GFRA2: variants seen among roughly 807,000 people sequenced by gnomAD.
The protein encoded by GFRA2 is GDNF family receptor alpha 2.
GFRA2 carries 17 observed loss-of-function variants against 48.3 expected under a neutral mutation model. The observed-to-expected ratio is 0.35, with a 90% CI of 0.24 to 0.53. The LOEUF (loss-of-function observed/expected upper bound fraction) is 0.53, where lower values mean the gene tolerates loss of function less well. Ranked by LOEUF, GFRA2 falls within the 20% of genes least tolerant of loss-of-function variation. The pLI, the probability that GFRA2 is intolerant of heterozygous loss-of-function variation, is 0.93. For missense variants in GFRA2, 660 were observed against 637.3 expected (o/e 1.04, Z -0.38); for synonymous variants, 305 against 257.2 (o/e 1.19, Z -1.78).
Position 21,808,267 on chromosome 8 carries a change from G to C in GFRA2, c.-147-3139C>G, listed in dbSNP as rs564667928. 3.9e-5 allele frequency among the ~76,000 whole-genome samples: 6 copies of C among 152,306 alleles called. No individual in the cohort carries two copies. The East Asian group carries it at 9.6e-4, about 24-fold the overall frequency. ...TATTTAAGGCAAACCCTCTTGTCAT[G>C]TCGGCTCCCAAATCCTAATGGCTCT... On this transcript the variant is annotated intron_variant, in intron 1 of 10. Coordinates refer to the GFRA2 transcript ENST00000517328.
At chr8:21,741,920 C>CAAAAAAAAA (rs74424608) in intron 4 of GFRA2, among the ~76,000 whole-genome samples, 1 of 105,188 alleles carries the variant, frequency 9.5e-6, no homozygotes. Context: ...GACTCCATCT[C>CAAAAAAAAA]AAAAAAAAAA....
chr8:21,796,256 C>T (rs1347803217), intron 2 of GFRA2, among the ~76,000 whole-genome samples: 1 of 152,236 alleles, frequency 6.6e-6, no homozygotes, highest in African/African-American at 2.4e-5. Context: ...AGAAACCTCA[C>T]AGCTTCTCTT....
chr8:21,807,044 A>G (rs1049194075), intron 1 of GFRA2, among the ~76,000 whole-genome samples: 9 of 152,316 alleles, frequency 5.9e-5, no homozygotes, highest in Non-Finnish European at 1.2e-4. Context: ...ATAGTACCTT[A>G]TAAGTATTTA....
chr8:21,704,611 C>T (rs1006365612), intron 6 of GFRA2, among the ~76,000 whole-genome samples: 7 of 152,074 alleles, frequency 4.6e-5, no homozygotes, highest in African/African-American at 1.7e-4. Flanking sequence ...AGGAGTTTGA[C>T]GATGTGAAAA....
chr8:21,720,846 T>G (rs1803559170), intron 4 of GFRA2, among the ~76,000 whole-genome samples: 2 of 152,318 alleles, frequency 1.3e-5, no homozygotes, highest in Admixed American at 6.5e-5. Context: ...TAACTTACAT[T>G]TTTCATATCT....
chr8:21,785,128 G>C (rs1459095069), intron 1 of GFRA2, among the ~76,000 whole-genome samples: 2 of 152,214 alleles, frequency 1.3e-5, no homozygotes, highest in African/African-American at 4.8e-5. Context: ...CCTTCTGTAG[G>C]CACAGAATTC....
In GFRA2 at chr8:21,694,447, C is replaced by G; in HGVS notation, c.1272+17G>C. 6.2e-7 allele frequency: 1 copy of G among 1,610,344 alleles called. No individual in the cohort carries two copies. The highest frequency in any genetic ancestry group is 8.5e-7 in the Non-Finnish European group (1 of 1,178,898). ...GCCCAGCCTTCTGCACCCATCCCCA[C>G]TCTGCCCCCAACTCACCTCTGTGAA... On this transcript the variant is annotated intron_variant, in intron 8 of 8. Coordinates refer to ENST00000524240, the MANE Select transcript of GFRA2 (RefSeq NM_001495.5).
At chr8:21,800,580 T>C (rs1807751918) in intron 2 of GFRA2, among the ~76,000 whole-genome samples, 1 of 152,210 alleles carries the variant, frequency 6.6e-6, no homozygotes, top group Non-Finnish European at 1.5e-5. Context: ...TGAGAAGCCC[T>C]CTATCCTTCA....
intron 3 of GFRA2, among the ~76,000 whole-genome samples, chr8:21,771,701 G>A (rs1195469844): frequency 6.6e-6 from 1 of 152,180 alleles, no homozygotes; most frequent in Non-Finnish European, 1.5e-5. Flanking sequence ...TCAGACAGGA[G>A]CTGGTAAACA....
chr8:21,783,673 G>A (rs1249981849), intron 1 of GFRA2, among the ~76,000 whole-genome samples: 2 of 151,552 alleles, frequency 1.3e-5, no homozygotes, highest in Non-Finnish European at 2.9e-5. Flanking sequence ...CACACCAGAC[G>A]GAGACCTGAA....
chr8:21,696,465 A>G (rs1802180485), intron 7 of GFRA2, among the ~76,000 whole-genome samples: 1 of 152,222 alleles, frequency 6.6e-6, no homozygotes, highest in South Asian at 2.1e-4. Context: ...ACAACCGACA[A>G]GAAGGGCCCC....
At position 21,782,786 on chromosome 8, in the gene GFRA2, T is replaced by C; in HGVS notation, c.154A>G (p.Asn52Asp). ...RANELCAAESNCSSRYRTLRQ... is the reference protein window; with the variant it reads ...RANELCAAESDCSSRYRTLRQ... ...AGAGTGCGGTAGCGAGAGCTGCAGT[T>C]GGATTCGGCGGCACACAGCTCATTG... The change falls in exon 2 of 9, where the codon AAC becomes GAC. Residue 52 changes from asparagine to aspartate, a missense_variant. Physicochemically the swap from Asn to Asp is conservative, Grantham distance 23. Coordinates refer to ENST00000524240, the MANE Select transcript of GFRA2 (RefSeq NM_001495.5). The C allele has an allele frequency of 6.3e-7, 1 of 1,588,036 alleles. No homozygotes were observed. The highest frequency in any genetic ancestry group is 8.5e-7 in the Non-Finnish European group (1 of 1,170,708).
chr8:21,783,102 C>T lies in GFRA2; in HGVS notation c.41-203G>A, dbSNP rs1807095053. 82 of 700,634 alleles carry T rather than the reference C, an allele frequency of 1.2e-4. No homozygotes were observed. In the South Asian group the frequency reaches 1.2e-3, roughly 10 times the overall value. 43.4% of individuals were successfully genotyped at this position (700,634 alleles called of 1,614,324 possible). On this transcript the variant is annotated intron_variant, in intron 1 of 8. Transcript: ENST00000524240. Reference sequence around the variant, plus strand: ...TCCCCTGGATGTAGGAGCAAGTTTTCTCCCTTTGCACTCCATTCCTCCTCA... The same window carrying T: ...TCCCCTGGATGTAGGAGCAAGTTTTTTCCCTTTGCACTCCATTCCTCCTCA...
At chr8:21,779,960 G>T (rs1001624812) in intron 2 of GFRA2, among the ~76,000 whole-genome samples, 1 of 151,508 alleles carries the variant, frequency 6.6e-6, no homozygotes, top group East Asian at 1.9e-4. Flanking sequence ...CTTCCCAAAG[G>T]CACCATTCCA....
At chr8:21,740,519 C>CGGAAT (rs1419921162) in intron 4 of GFRA2, among the ~76,000 whole-genome samples, 12 of 152,172 alleles carry the variant, frequency 7.9e-5, no homozygotes, top group Admixed American at 7.9e-4. Context: ...GCACGGCTAT[C>CGGAAT]CATTCCCTCT....
upstream of GFRA2, among the ~76,000 whole-genome samples, chr8:21,793,312 A>T (rs1807610410): frequency 2.0e-5 from 3 of 152,216 alleles, no homozygotes; most frequent in South Asian, 6.2e-4. Context: ...ACCAGGGGCC[A>T]ATTAGGAGGT....
chr8:21,785,287 C>G (rs1379051440), intron 1 of GFRA2, among the ~76,000 whole-genome samples: 1 of 152,180 alleles, frequency 6.6e-6, no homozygotes, highest in African/African-American at 2.4e-5. Context: ...GAGGGCTTCC[C>G]CCATCCTGCC....
intron 3 of GFRA2, among the ~76,000 whole-genome samples, chr8:21,759,884 G>A (rs536335003): frequency 1.1e-4 from 12 of 108,296 alleles, no homozygotes; most frequent in South Asian, 2.9e-4. Flanking sequence ...GCAAGATTGC[G>A]TCTCAAAAAA....
chr8:21,759,404 G>C (rs1178764438), intron 3 of GFRA2, among the ~76,000 whole-genome samples: 2 of 120,450 alleles, frequency 1.7e-5, no homozygotes, highest in African/African-American at 6.9e-5. Context: ...AAGAAAGGAA[G>C]AGAGAGAGGG....
Sources: gnomAD v4.1 joint callset for allele counts (sites outside exome capture counted in the v4.1 genomes callset) on GRCh38, gnomAD v4.1.1 for gene constraint, MANE v1.5 for transcripts, NCBI Gene and HGNC (gene_info 2026-07-23, HGNC 2026-07-21) for gene names.